Variants in CLSTN2 observed in about 807,000 individuals in gnomAD.
CLSTN2 encodes calsyntenin-2.
In CLSTN2, 48 loss-of-function variants were observed where a neutral mutation model predicts 101.2. That is an observed-to-expected ratio of 0.47 (90% CI 0.38 to 0.60). The LOEUF (loss-of-function observed/expected upper bound fraction) is 0.60. Ranked by LOEUF, CLSTN2 falls within the 20% of genes least tolerant of loss-of-function variation. The pLI is 0.00. For synonymous variants in CLSTN2, 481 were observed against 463.6 expected, an observed-to-expected ratio of 1.04 and a Z score of -0.48; for missense variants, 1,160 against 1,238.2, an observed-to-expected ratio of 0.94 and a Z score of 0.95.
intron 2 of CLSTN2, among the ~76,000 whole-genome samples, chr3:140,251,489 T>G (rs2086562968): frequency 6.6e-6 from 1 of 152,170 alleles, no homozygotes; most frequent in South Asian, 2.1e-4. Context: ...TTCAGAAACT[T>G]TGAAGATATT....
At chr3:140,508,955 T>A (rs1350082167) in intron 8 of CLSTN2, among the ~76,000 whole-genome samples, 9 of 151,948 alleles carry the variant, frequency 5.9e-5, no homozygotes, top group Admixed American at 5.9e-4. Flanking sequence ...GGAGTCCTCA[T>A]GCTCAAAATA....
intron 1 of CLSTN2, among the ~76,000 whole-genome samples, chr3:139,955,575 G>A (rs956199718): frequency 3.8e-4 from 2 of 5,202 alleles, no homozygotes; most frequent in African/African-American, 4.4e-4. Context: ...GGATCATCTG[G>A]AGGTGTCTTC....
intron 2 of CLSTN2, among the ~76,000 whole-genome samples, chr3:140,320,710 A>AT (rs1559838160): frequency 6.6e-6 from 1 of 152,192 alleles, no homozygotes; most frequent in African/African-American, 2.4e-5. Flanking sequence ...CCAAAAAAAA[A>AT]GAAAAAAAGG....
intron 1 of CLSTN2, among the ~76,000 whole-genome samples, chr3:140,022,517 T>C (rs1308051291): frequency 3.3e-5 from 5 of 152,122 alleles, no homozygotes; most frequent in Non-Finnish European, 2.9e-5. Flanking sequence ...GCACAAATGC[T>C]GTGAGGCTGA....
At chr3:139,995,687 G>A (rs1295614116) in intron 1 of CLSTN2, among the ~76,000 whole-genome samples, 1 of 152,138 alleles carries the variant, frequency 6.6e-6, no homozygotes, top group Non-Finnish European at 1.5e-5. Context: ...CCCATGACAA[G>A]GAAGAGTGGT....
intron 1 of CLSTN2, among the ~76,000 whole-genome samples, chr3:140,129,261 T>G (rs1001046012): frequency 3.3e-5 from 5 of 152,124 alleles, no homozygotes; most frequent in African/African-American, 1.2e-4. Flanking sequence ...TACTCTTTCA[T>G]GAAAATACAG....
intron 1 of CLSTN2, among the ~76,000 whole-genome samples, chr3:139,980,654 T>G (rs76559662): frequency 2.7e-4 from 41 of 152,276 alleles, no homozygotes; most frequent in African/African-American, 9.9e-4. Flanking sequence ...TTAGTTTATT[T>G]ATCTTCTCCT....
At chr3:140,016,185 G>C (rs949711446) in intron 1 of CLSTN2, among the ~76,000 whole-genome samples, 18 of 152,196 alleles carry the variant, frequency 1.2e-4, no homozygotes, top group African/African-American at 4.1e-4. Context: ...AGCTCTAGGA[G>C]CTGAAGCTTA....
At chr3:140,374,555 A>T (rs2087894596) in intron 2 of CLSTN2, among the ~76,000 whole-genome samples, 1 of 152,230 alleles carries the variant, frequency 6.6e-6, no homozygotes, top group South Asian at 2.1e-4. Flanking sequence ...TTTAACAGGA[A>T]TGAAAAAAGA....
chr3:140,274,119 T>C (rs1336886130), intron 2 of CLSTN2, among the ~76,000 whole-genome samples: 1 of 152,168 alleles, frequency 6.6e-6, no homozygotes, highest in Non-Finnish European at 1.5e-5. Flanking sequence ...CATGGTAACA[T>C]TGATCTTACC....
intron 4 of CLSTN2, among the ~76,000 whole-genome samples, chr3:140,418,398 C>A (rs1407972870): frequency 6.6e-6 from 1 of 152,038 alleles, no homozygotes; most frequent in African/African-American, 2.4e-5. Context: ...ATATTTTTGA[C>A]TGACTTTGTT....
intron 8 of CLSTN2, among the ~76,000 whole-genome samples, chr3:140,469,186 G>T (rs1390290181): frequency 6.6e-6 from 1 of 152,130 alleles, no homozygotes; most frequent in African/African-American, 2.4e-5. Context: ...CAAATATATT[G>T]GGGGTTAGGT....
intron 1 of CLSTN2, among the ~76,000 whole-genome samples, chr3:140,107,614 C>A (rs2009081243): frequency 6.6e-6 from 1 of 152,156 alleles, no homozygotes; most frequent in Admixed American, 6.5e-5. Context: ...ACCCTGCCAG[C>A]TGAAGAAAAT....
intron 8 of CLSTN2, among the ~76,000 whole-genome samples, chr3:140,527,329 G>T (rs1221644976): frequency 6.6e-6 from 1 of 152,030 alleles, no homozygotes; most frequent in African/African-American, 2.4e-5. Context: ...TGAAAAAAAT[G>T]CCCAACATCA....
intron 10 of CLSTN2, among the ~76,000 whole-genome samples, chr3:140,553,474 GCT>G (rs1403602668): frequency 6.6e-6 from 1 of 152,188 alleles, no homozygotes; most frequent in African/African-American, 2.4e-5. Flanking sequence ...CAAAGCCCAT[GCT>G]CTTTTAAAGA....
chr3:140,453,607 AG>A lies in CLSTN2; in HGVS notation c.973+4904del, dbSNP rs1317189125. 2.6e-5 allele frequency among the ~76,000 whole-genome samples: 4 copies of A among 152,334 alleles called. No individual in the cohort carries two copies. The East Asian group carries it at 5.8e-4, about 22-fold the overall frequency. On this transcript the variant is annotated intron_variant, in intron 6 of 16. Coordinates refer to ENST00000458420, the MANE Select transcript of CLSTN2 (RefSeq NM_022131.3). ...TATTTCAAAATAGCTAGAAGAAAGC[AG>A]TTTGAATGTTCTCACCCCCAAAGAA...
intron 1 of CLSTN2, among the ~76,000 whole-genome samples, chr3:140,109,755 C>G (rs1366351150): frequency 6.6e-6 from 1 of 152,060 alleles, no homozygotes; most frequent in African/African-American, 2.4e-5. Context: ...GAGACAGGAC[C>G]AAAGAATTAG....
At chr3:140,378,182 A>G (rs962583788) in intron 2 of CLSTN2, among the ~76,000 whole-genome samples, 2 of 152,214 alleles carry the variant, frequency 1.3e-5, no homozygotes, top group Non-Finnish European at 2.9e-5. Context: ...TTGCTCAACA[A>G]TGAAATTTCT....
At chr3:140,250,117 C>G (rs78112300) in intron 2 of CLSTN2, among the ~76,000 whole-genome samples, 2,092 of 152,272 alleles carry the variant, frequency 0.014, 26 homozygotes, top group Non-Finnish European at 0.021. Context: ...AGGGATAAAG[C>G]CAAACAAGAC....
Sources: allele counts gnomAD v4.1 joint callset (sites outside exome capture counted in the v4.1 genomes callset), GRCh38; gene constraint gnomAD v4.1.1; transcripts MANE v1.5; gene names NCBI Gene and HGNC (gene_info 2026-07-23, HGNC 2026-07-21).